ADGRB3: variants seen among roughly 807,000 people sequenced by gnomAD.
ADGRB3 encodes the protein adhesion G protein-coupled receptor B3.
ADGRB3 carries 37 observed loss-of-function variants against 193.4 expected under a neutral mutation model. The observed-to-expected ratio is 0.19, with a 90% CI of 0.15 to 0.25. The LOEUF (loss-of-function observed/expected upper bound fraction) is 0.25, where lower values mean the gene tolerates loss of function less well. Among genes scored for constraint, ADGRB3 ranks in the 10% least tolerant of loss-of-function variants. The pLI is 1.00. For synonymous variants in ADGRB3, 690 were observed against 644.2 expected (o/e 1.07, Z -1.08); for missense variants, 1,637 against 1,852.9 (o/e 0.88, Z 2.14).
chr6:68,639,597 G>A (rs549337923), intron 3 of ADGRB3, among the ~76,000 whole-genome samples, 165 bp downstream of exon 3: 8 of 152,286 alleles, frequency 5.3e-5, no homozygotes, highest in Non-Finnish European at 8.8e-5. Flanking sequence ...GCTAGTTTTA[G>A]GTTTCAAGGT....
intron 3 of ADGRB3, among the ~76,000 whole-genome samples, chr6:68,894,965 C>A (rs1766178824): frequency 6.6e-6 from 1 of 151,000 alleles, no homozygotes; most frequent in Non-Finnish European, 1.5e-5. Context: ...TATCAAAAAG[C>A]ATCATAGTTG....
chr6:69,177,471 CT>C (rs908818383), intron 17 of ADGRB3, among the ~76,000 whole-genome samples: 2 of 152,138 alleles, frequency 1.3e-5, no homozygotes, highest in Non-Finnish European at 2.9e-5. Flanking sequence ...ATTCTCCTGC[CT>C]CAGCCTCCCA....
chr6:69,191,285 G>A (rs701652), intron 17 of ADGRB3, among the ~76,000 whole-genome samples: 144,815 of 152,206 alleles, frequency 0.95, 68,921 homozygotes, highest in East Asian at 1. Flanking sequence ...AGCAACTTCA[G>A]ATGAAAATAA....
At chr6:68,780,868 T>C (rs1766839410) in intron 3 of ADGRB3, among the ~76,000 whole-genome samples, 1 of 152,138 alleles carries the variant, frequency 6.6e-6, no homozygotes, top group Admixed American at 6.6e-5. Context: ...CAGACTTTAT[T>C]TGGATTTCAC....
At position 69,296,297 on chromosome 6, in the gene ADGRB3, A is replaced by G. The variant is rs140996245; in HGVS notation, c.2815-28575A>G. 1.2e-3 allele frequency among the ~76,000 whole-genome samples: 181 copies of G among 152,260 alleles called. 1 individual carries two copies. The highest frequency in any genetic ancestry group is 4.0e-3 in the African/African-American group (166 of 41,556). On this transcript the variant is annotated intron_variant, in intron 20 of 31. Coordinates refer to ENST00000370598, the MANE Select transcript of ADGRB3 (RefSeq NM_001704.3). ...CCATGAAGGTTAATCACAGTGAAAA[A>G]CTAGCTTGCATGGTGATTTCCTAGC...
chr6:69,042,931 T>C (rs1274436794), intron 13 of ADGRB3, among the ~76,000 whole-genome samples: 2 of 152,204 alleles, frequency 1.3e-5, no homozygotes, highest in Non-Finnish European at 2.9e-5. Flanking sequence ...CATTTGTTTA[T>C]GGTGATGAGG....
chr6:69,105,972 T>C (rs1213515400), intron 17 of ADGRB3, among the ~76,000 whole-genome samples: 2 of 152,010 alleles, frequency 1.3e-5, no homozygotes, highest in Non-Finnish European at 2.9e-5. Context: ...TTATCTCTAG[T>C]AAAAATCCAA....
At position 69,022,360 on chromosome 6, in the gene ADGRB3, A is replaced by G. The variant is rs547774258; in HGVS notation, c.2107+3861A>G. On this transcript the variant is annotated intron_variant, in intron 13 of 31. Coordinates refer to ENST00000370598, the MANE Select transcript of ADGRB3 (RefSeq NM_001704.3). Reference sequence around the variant, plus strand: ...ATTAGGTCTGGAGGGCCATATCTTTATATTATTTAATATGAGATATTTTTA... The same window carrying G: ...ATTAGGTCTGGAGGGCCATATCTTTGTATTATTTAATATGAGATATTTTTA... 7.0e-4 allele frequency among the ~76,000 whole-genome samples: 106 copies of G among 151,960 alleles called. 1 individual carries two copies. Among genetic ancestry groups the G allele is most frequent in the African/African-American group, 2.4e-3 (101 of 41,562 alleles).
intron 3 of ADGRB3, among the ~76,000 whole-genome samples, chr6:68,810,302 C>G (rs1295542994): frequency 6.6e-6 from 1 of 152,126 alleles, no homozygotes; most frequent in Non-Finnish European, 1.5e-5. Context: ...TTCCACAAAT[C>G]CTTCTGGAAA....
At chr6:68,885,979 C>A (rs56196962) in intron 3 of ADGRB3, among the ~76,000 whole-genome samples, 13,976 of 152,044 alleles carry the variant, frequency 0.092, 2,051 homozygotes, top group African/African-American at 0.32. Context: ...TAAAACAACA[C>A]AAAACAAAAA....
At chr6:69,128,621 A>T (rs1289905574) in intron 17 of ADGRB3, among the ~76,000 whole-genome samples, 2 of 152,156 alleles carry the variant, frequency 1.3e-5, no homozygotes, top group African/African-American at 4.8e-5. Flanking sequence ...AAAGCCAAGC[A>T]ATCTATTTTT....
At chr6:68,717,938 C>G (rs979084913) in intron 3 of ADGRB3, among the ~76,000 whole-genome samples, 3 of 151,408 alleles carry the variant, frequency 2.0e-5, no homozygotes, top group Non-Finnish European at 4.4e-5. Context: ...AATGTTGAAA[C>G]GATATAATGA....
chr6:69,271,291 G>T (rs185067500), intron 20 of ADGRB3, among the ~76,000 whole-genome samples: 2 of 152,196 alleles, frequency 1.3e-5, no homozygotes. Context: ...TATTTTCAAG[G>T]CTCTATTTTT....
chr6:69,049,450 G>A (rs1771330592), intron 15 of ADGRB3, 104 bp downstream of exon 15: 1 of 778,076 alleles, frequency 1.3e-6, no homozygotes, highest in South Asian at 2.1e-5. Flanking sequence ...TAATATGAAG[G>A]GATTTTTCTT....
intron 15 of ADGRB3, among the ~76,000 whole-genome samples, chr6:69,061,685 C>T (rs1168022338): frequency 6.6e-6 from 1 of 151,980 alleles, no homozygotes; most frequent in Non-Finnish European, 1.5e-5. Flanking sequence ...ATAAATTGTG[C>T]TGTATTTGTA....
At chr6:68,883,816 G>A (rs1055010871) in intron 3 of ADGRB3, among the ~76,000 whole-genome samples, 3 of 151,510 alleles carry the variant, frequency 2.0e-5, no homozygotes, top group Admixed American at 6.6e-5. Context: ...TCTTGAAGTC[G>A]GTGAGACAAA....
chr6:69,149,788 G>C (rs1476929366), intron 17 of ADGRB3, among the ~76,000 whole-genome samples: 1 of 152,146 alleles, frequency 6.6e-6, no homozygotes, highest in Admixed American at 6.5e-5. Flanking sequence ...ACAGAGTAAT[G>C]CTGCGGCTCT....
intron 17 of ADGRB3, among the ~76,000 whole-genome samples, chr6:69,207,048 C>T (rs1561952607): frequency 6.6e-6 from 1 of 152,182 alleles, no homozygotes; most frequent in Non-Finnish European, 1.5e-5. Context: ...CTGATTTCAT[C>T]TTGATAGTCT....
intron 3 of ADGRB3, among the ~76,000 whole-genome samples, chr6:68,807,207 T>G (rs1398218891): frequency 6.6e-6 from 1 of 150,906 alleles, no homozygotes; most frequent in Non-Finnish European, 1.5e-5. Context: ...AAATGGATGT[T>G]AATTTTTCTT....
Sources: allele counts gnomAD v4.1 joint callset (sites outside exome capture counted in the v4.1 genomes callset), GRCh38; gene constraint gnomAD v4.1.1; transcripts MANE v1.5; gene names NCBI Gene and HGNC (gene_info 2026-07-23, HGNC 2026-07-21).